FANCD2: variants seen among roughly 807,000 people sequenced by gnomAD.
The protein encoded by FANCD2 is Fanconi anemia group D2 protein.
Under a neutral mutation model 192.3 loss-of-function variants are expected in FANCD2, and 131 were observed. That is an observed-to-expected ratio of 0.68 (90% CI 0.59 to 0.79). The LOEUF is 0.79. Ranked by LOEUF, FANCD2 falls within the 30% of genes least tolerant of loss-of-function variation. The pLI, the probability that FANCD2 is intolerant of heterozygous loss-of-function variation, is 0.00. For missense variants in FANCD2, 1,508 were observed against 1,701.6 expected, an observed-to-expected ratio of 0.89 and a Z score of 2.00; for synonymous variants, 524 against 612.5, an observed-to-expected ratio of 0.86 and a Z score of 2.13.
At chr3:10,046,788 T>G in intron 15 of FANCD2, 65 bp downstream of exon 15, 1 of 1,256,660 alleles carries the variant, frequency 8.0e-7, no homozygotes, top group South Asian at 1.2e-5. Context: ...CATGTAAAAT[T>G]TCATCTTATT....
intron 42 of FANCD2, among the ~76,000 whole-genome samples, chr3:10,097,509 A>G (rs1170103026): frequency 6.6e-6 from 1 of 152,228 alleles, no homozygotes; most frequent in African/African-American, 2.4e-5. Context: ...TTTTGAAGGA[A>G]GAGAAACATG....
Position 10,043,044 on chromosome 3 carries a change from C to G in FANCD2, c.889-6C>G. The G allele has an allele frequency of 6.2e-7, 1 of 1,613,130 alleles. No homozygotes were observed. The highest frequency in any genetic ancestry group is 8.5e-7 in the Non-Finnish European group (1 of 1,179,160). ...GAAAACCATAGCTAATATTTACTTT[C>G]TGCAGGTAATTTCTGAGCTTCGGGA... On this transcript the variant is annotated splice_polypyrimidine_tract_variant and splice_region_variant and intron_variant, in intron 11 of 43. Coordinates refer to ENST00000675286, the MANE Select transcript of FANCD2 (RefSeq NM_001018115.3).
intron 38 of FANCD2, among the ~76,000 whole-genome samples, chr3:10,092,866 A>AT (rs1220749479): frequency 1.3e-5 from 2 of 150,778 alleles, no homozygotes; most frequent in Admixed American, 1.3e-4. Flanking sequence ...TAATTTTTCT[A>AT]TTTTTTGTGG....
In FANCD2 at chr3:10,092,259, A is replaced by G. The variant is rs1205723997; in HGVS notation, c.3849+7A>G. 10 of 1,603,708 alleles carry G rather than the reference A, an allele frequency of 6.2e-6. No individual in the cohort carries two copies. The highest frequency in any genetic ancestry group is 8.5e-6 in the Non-Finnish European group (10 of 1,170,704). ...CCTCATCAACTTGATAAAGGTGAGT[A>G]TGGAGACTGCTTGACACATCTCACC... On this transcript the variant is annotated splice_region_variant and intron_variant, in intron 38 of 43. Coordinates refer to ENST00000675286, the MANE Select transcript of FANCD2 (RefSeq NM_001018115.3).
In FANCD2 at chr3:10,101,377, C is replaced by CTTTTT. The variant is rs950337384; in HGVS notation, c.*136_*140dup. 8 of 388,502 alleles carry CTTTTT rather than the reference C, an allele frequency of 2.1e-5. No homozygotes were observed. The highest frequency in any genetic ancestry group is 4.6e-5 in the South Asian group (2 of 43,626). 24.1% of individuals were successfully genotyped at this position (388,502 alleles called of 1,614,324 possible). ...ACTGGTAGGATCCTTTTTTGTTCCT[C>CTTTTT]TTTTTTTTTTTTTTTTTTTTTTTTT... is the stretch of plus-strand genomic sequence containing the variant. On this transcript the variant is annotated 3_prime_UTR_variant, in exon 44 of 44. Coordinates refer to ENST00000675286, the MANE Select transcript of FANCD2 (RefSeq NM_001018115.3).
chr3:10,092,671 A>G (rs996928316), intron 38 of FANCD2, among the ~76,000 whole-genome samples: 3 of 94,058 alleles, frequency 3.2e-5, no homozygotes, highest in Non-Finnish European at 6.5e-5. Flanking sequence ...TTGTCTCTCC[A>G]CCTCTTTCAT....
chr3:10,100,308 C>G (rs1264730348), intron 43 of FANCD2, among the ~76,000 whole-genome samples: 1 of 152,234 alleles, frequency 6.6e-6, no homozygotes, highest in African/African-American at 2.4e-5. Context: ...AAGCAGATCT[C>G]TCATACTAGT....
Position 10,088,832 on chromosome 3 carries a change from T to G in FANCD2, c.3565T>G (p.Tyr1189Asp). 6.2e-7 allele frequency: 1 copy of G among 1,614,094 alleles called. No individual in the cohort carries two copies. Among genetic ancestry groups the G allele is most frequent in the Admixed American group, 1.7e-5 (1 of 60,010 alleles). The change falls in exon 36 of 44, where the codon TAC becomes GAC. Residue 1189 changes from tyrosine to aspartate, a missense_variant. Transcript: ENST00000675286. ...AATATTTGACTCTCAATGCAGTATC[T>G]ACCTGGAGCACACAGAGAGCATTCT... ...NDQLHALLCI[Y>D]LEHTESILKA...
At chr3:10,064,534 C>T in intron 22 of FANCD2, 105 bp downstream of exon 22, 1 of 1,290,596 alleles carries the variant, frequency 7.7e-7, no homozygotes, top group Non-Finnish European at 1.1e-6. Context: ...GCCACAGCTG[C>T]CCAGTCCCAC....
intron 32 of FANCD2, 172 bp downstream of exon 32, chr3:10,081,636 C>T (rs2125060659): frequency 1.5e-6 from 1 of 681,148 alleles, no homozygotes; most frequent in South Asian, 1.6e-5. Context: ...GATCTTGTAC[C>T]CTCTGAGTCC....
intron 42 of FANCD2, among the ~76,000 whole-genome samples, chr3:10,098,498 C>G (rs1165125494): frequency 2.0e-5 from 3 of 152,156 alleles, no homozygotes; most frequent in Non-Finnish European, 4.4e-5. Flanking sequence ...TAAGATGAAC[C>G]TTTCGTTACA....
intron 29 of FANCD2, among the ~76,000 whole-genome samples, chr3:10,077,755 TGTG>T (rs1350281717): frequency 6.6e-6 from 1 of 150,924 alleles, no homozygotes; most frequent in African/African-American, 2.4e-5. Context: ...TGGGCCCAGG[TGTG>T]GTGGTTCATA....
Position 10,039,324 on chromosome 3 carries a change from A to G in FANCD2, c.537A>G (p.Gln179=), listed in dbSNP as rs2086806636. 6.2e-7 allele frequency: 1 copy of G among 1,614,024 alleles called. No individual in the cohort carries two copies. Among genetic ancestry groups the G allele is most frequent in the Non-Finnish European group, 8.5e-7 (1 of 1,179,890 alleles). Residue 179 remains glutamine (Q), a synonymous_variant, in exon 8 of 44, where the codon CAA becomes CAG. Coordinates refer to ENST00000675286, the MANE Select transcript of FANCD2 (RefSeq NM_001018115.3). The stretch of plus-strand genomic sequence containing the variant: ...ACATACCTCGACTCATTGTCAGTCA[A>G]CTAAAATGGCTTGACAGAGTTGTGG... The part of the protein sequence containing the change: ...EINIPRLIVS[Q]LKWLDRVVDG...
At chr3:10,036,108 G>A (rs1398109373) in intron 6 of FANCD2, among the ~76,000 whole-genome samples, 179 bp from the exon 7 acceptor site, 4 of 89,482 alleles carry the variant, frequency 4.5e-5, no homozygotes, top group Non-Finnish European at 8.7e-5. Context: ...TTTTTTTTGA[G>A]TCAGAGTCTC....
chr3:10,058,948 A>G (rs1341813558), intron 18 of FANCD2, among the ~76,000 whole-genome samples: 1 of 152,198 alleles, frequency 6.6e-6, no homozygotes, highest in Non-Finnish European at 1.5e-5. Context: ...GTGTCTTCCA[A>G]TCCATGAAGA....
chr3:10,094,258 C>G (rs1316926099), intron 39 of FANCD2, 31 bp from the exon 40 acceptor site: 1 of 1,542,866 alleles, frequency 6.5e-7, no homozygotes, highest in Admixed American at 1.7e-5. Flanking sequence ...GATACCTCAG[C>G]TAGAGGTAAC....
At position 10,077,224 on chromosome 3, in the gene FANCD2, C is replaced by A. The variant is rs529551499; in HGVS notation, c.2860-857C>A. Reference sequence around the variant, plus strand: ...CTCCAGCCTGAGCAACAGAGCGAGACCCTGTCTCAAATATAAGTAAATAAA... The same window carrying A: ...CTCCAGCCTGAGCAACAGAGCGAGAACCTGTCTCAAATATAAGTAAATAAA... On this transcript the variant is annotated intron_variant, in intron 29 of 43. Coordinates refer to ENST00000675286, the MANE Select transcript of FANCD2 (RefSeq NM_001018115.3). Among the ~76,000 whole-genome samples, 41 of 151,992 alleles carry A rather than the reference C, an allele frequency of 2.7e-4. 1 individual carries two copies. The highest frequency in any genetic ancestry group is 9.0e-4 in the African/African-American group (37 of 41,282).
At chr3:10,059,802 T>C (rs1362218562) in intron 18 of FANCD2, among the ~76,000 whole-genome samples, 3 of 149,630 alleles carry the variant, frequency 2.0e-5, no homozygotes, top group Non-Finnish European at 4.4e-5. Flanking sequence ...CGAGACTCCT[T>C]CTCAAAGAAA....
intron 15 of FANCD2, among the ~76,000 whole-genome samples, chr3:10,047,297 G>C (rs1040876596): frequency 1.3e-5 from 2 of 152,296 alleles, no homozygotes; most frequent in Non-Finnish European, 2.9e-5. Context: ...GTTTTGGGCT[G>C]TAATTTTCTA....
Sources: allele counts gnomAD v4.1 joint callset (sites outside exome capture counted in the v4.1 genomes callset), GRCh38; gene constraint gnomAD v4.1.1; transcripts MANE v1.5; gene names NCBI Gene and HGNC (gene_info 2026-07-23, HGNC 2026-07-21).